The following KLF12 variants were observed in gnomAD, a reference collection of about 807,000 sequenced individuals.
The protein encoded by KLF12 is Krueppel-like factor 12.
A neutral mutation model predicts 37.8 loss-of-function variants in KLF12; 9 were observed. The ratio of observed to expected loss-of-function variants is 0.24; its 90% CI spans 0.14 to 0.42. The LOEUF is 0.42. Ranked by LOEUF, KLF12 falls within the 10% of genes least tolerant of loss-of-function variation. The probability of loss-of-function intolerance (pLI) is 1.00; values close to 1 mark genes in which losing one functional copy is unlikely to be tolerated. For synonymous variants in KLF12, 208 were observed against 202.1 expected, an observed-to-expected ratio of 1.03 and a Z score of -0.25; for missense variants, 411 against 516.0, an observed-to-expected ratio of 0.80 and a Z score of 1.97.
intron 3 of KLF12, among the ~76,000 whole-genome samples, chr13:73,855,671 C>T (rs1460236388): frequency 6.6e-6 from 1 of 152,160 alleles, no homozygotes; most frequent in Non-Finnish European, 1.5e-5. Flanking sequence ...CTCCAAACTG[C>T]TCTCCACGGT....
intron 3 of KLF12, among the ~76,000 whole-genome samples, chr13:73,922,805 CA>C (rs1308429062): frequency 2.6e-5 from 4 of 152,276 alleles, no homozygotes; most frequent in Admixed American, 6.5e-5. Context: ...CATTTCTTTT[CA>C]GATAATCAGA....
Position 73,835,930 on chromosome 13 carries a change from G to T in KLF12, c.670+9897C>A, listed in dbSNP as rs534762668. ...TTTAGTCTACTGTAAACTAGAGCTG[G>T]CTTTTAAAAAGAATTTCTCTTTTAA... On this transcript the variant is annotated intron_variant, in intron 4 of 7. Coordinates refer to ENST00000377669, the MANE Select transcript of KLF12 (RefSeq NM_007249.5). Among the ~76,000 whole-genome samples the T allele has an allele frequency of 3.3e-5, 5 of 152,166 alleles. No individual in the cohort carries two copies. In the South Asian group the frequency reaches 1.0e-3, roughly 32 times the overall value.
rs372760583 is a variant in KLF12 at position 73,845,833 on chromosome 13, C to G, written c.664G>C (p.Gly222Arg). 7 of 1,612,500 alleles carry G rather than the reference C, an allele frequency of 4.3e-6. No individual in the cohort carries two copies. The highest frequency in any genetic ancestry group is 1.7e-5 in the Admixed American group (1 of 59,908). ...GCTTGTTTATGTCTCTTACCTTTGC[C>G]ATGGCCTCTCCCATCCTCCAAAAGC... Residue 222 changes from glycine to arginine, a missense_variant, in exon 4 of 8, where the codon GGC (glycine) becomes CGC (arginine). Gly to Arg is a moderately radical substitution (Grantham distance 125). This residue lies in a region of KLF12 where 351 missense variants were observed against 397.8 expected (regional missense o/e 0.88). Coordinates refer to ENST00000377669, the MANE Select transcript of KLF12 (RefSeq NM_007249.5).
At chr13:74,232,995 C>T in the KLF12 span, among the ~76,000 whole-genome samples, 1 of 152,166 alleles carries the variant, frequency 6.6e-6, no homozygotes, top group Non-Finnish European at 1.5e-5. Context: ...AAGTGATTCT[C>T]TTGCCTCAGC....
At chr13:73,999,654 G>A (rs1360700008) in intron 1 of KLF12, among the ~76,000 whole-genome samples, 3 of 152,102 alleles carry the variant, frequency 2.0e-5, no homozygotes, top group African/African-American at 7.2e-5. Context: ...GCAGGAGAAT[G>A]GTGTGAACCC....
At chr13:73,809,874 A>G (rs1882836278) in intron 5 of KLF12, among the ~76,000 whole-genome samples, 1 of 152,194 alleles carries the variant, frequency 6.6e-6, no homozygotes, top group Admixed American at 6.5e-5. Context: ...TGAATCTGGC[A>G]TCTCCCATGA....
intron 1 of KLF12, among the ~76,000 whole-genome samples, chr13:74,126,565 GATA>G (rs1390337794): frequency 7.2e-5 from 11 of 151,934 alleles, no homozygotes; most frequent in African/African-American, 2.7e-4. Context: ...TTTATATCAA[GATA>G]ATAAACTTTC....
At chr13:74,103,722 C>CA (rs1178777739) in intron 1 of KLF12, among the ~76,000 whole-genome samples, 9 of 152,140 alleles carry the variant, frequency 5.9e-5, no homozygotes, top group Non-Finnish European at 1.3e-4. Context: ...AAGACAACTT[C>CA]CAGGTCACTA....
At chr13:74,082,975 G>T (rs1268617091) in intron 1 of KLF12, among the ~76,000 whole-genome samples, 1 of 152,078 alleles carries the variant, frequency 6.6e-6, no homozygotes, top group African/African-American at 2.4e-5. Context: ...GCAAAATAAA[G>T]AAAAATGTTT....
the KLF12 span, among the ~76,000 whole-genome samples, chr13:74,227,652 G>C: frequency 2.6e-5 from 4 of 152,070 alleles, no homozygotes; most frequent in African/African-American, 9.7e-5. Context: ...AATCCCCGTG[G>C]TTATAGAATC....
At chr13:74,268,229 T>C in the KLF12 span, among the ~76,000 whole-genome samples, 1 of 152,210 alleles carries the variant, frequency 6.6e-6, no homozygotes. Context: ...GAATTATTAG[T>C]CCATTTTTAG....
the KLF12 span, among the ~76,000 whole-genome samples, chr13:74,268,815 T>C: frequency 1.3e-5 from 2 of 152,314 alleles, no homozygotes; most frequent in East Asian, 3.9e-4. Context: ...CACCAGGCAT[T>C]GTAACAAGTG....
At chr13:73,715,627 T>A in intron 6 of KLF12, 102 bp from the exon 7 acceptor site, 1 of 1,166,608 alleles carries the variant, frequency 8.6e-7, no homozygotes, top group Non-Finnish European at 1.2e-6. Context: ...CTTCACAGAC[T>A]CAAGGCCACC....
intron 5 of KLF12, among the ~76,000 whole-genome samples, chr13:73,776,717 T>C (rs1415046078): frequency 1.3e-5 from 2 of 152,216 alleles, no homozygotes; most frequent in African/African-American, 2.4e-5. Flanking sequence ...GAAACACATA[T>C]TGGTTATTAC....
chr13:73,928,679 T>C (rs1047567421), intron 3 of KLF12, among the ~76,000 whole-genome samples: 1 of 152,156 alleles, frequency 6.6e-6, no homozygotes, highest in African/African-American at 2.4e-5. Context: ...CCTGCAAAAA[T>C]CAATGATTTC....
intron 6 of KLF12, among the ~76,000 whole-genome samples, chr13:73,749,619 G>C (rs776045801): frequency 6.6e-6 from 1 of 152,210 alleles, no homozygotes; most frequent in Non-Finnish European, 1.5e-5. Context: ...CTGCTAGGCA[G>C]AGCAAGCAAA....
At chr13:74,045,737 A>G (rs1450659127) in intron 1 of KLF12, among the ~76,000 whole-genome samples, 1 of 151,902 alleles carries the variant, frequency 6.6e-6, no homozygotes, top group Non-Finnish European at 1.5e-5. Flanking sequence ...GAGCTCCCAC[A>G]CTCCAAAGCT....
At chr13:73,746,525 C>A (rs1456954986) in intron 6 of KLF12, among the ~76,000 whole-genome samples, 2 of 151,926 alleles carry the variant, frequency 1.3e-5, no homozygotes, top group Non-Finnish European at 2.9e-5. Flanking sequence ...TTATATTCTC[C>A]TTTAGATACC....
chr13:73,701,882 C>T (rs1461339561), intron 7 of KLF12, among the ~76,000 whole-genome samples: 1 of 152,114 alleles, frequency 6.6e-6, no homozygotes, highest in Non-Finnish European at 1.5e-5. Context: ...ACCTGTGCTT[C>T]TCCAGTTCTG....
Sources: allele counts gnomAD v4.1 joint callset (sites outside exome capture counted in the v4.1 genomes callset), GRCh38; gene constraint gnomAD v4.1.1; regional missense constraint gnomAD v4.1.1; transcripts MANE v1.5; gene names NCBI Gene and HGNC (gene_info 2026-07-23, HGNC 2026-07-21).